SCARA3: variants seen among roughly 807,000 people sequenced by gnomAD.
SCARA3 encodes cellular stress response gene protein.
In SCARA3, 39 loss-of-function variants were observed where a neutral mutation model predicts 47.0. That is an observed-to-expected ratio of 0.83 (90% CI 0.64 to 1.08). The LOEUF (loss-of-function observed/expected upper bound fraction) is 1.08, where lower values mean the gene tolerates loss of function less well. SCARA3 is among the 50% of genes least tolerant of loss of function. The pLI is 0.00. For missense variants in SCARA3, 724 were observed against 792.3 expected (o/e 0.91, Z 1.04); for synonymous variants, 356 against 334.1 (o/e 1.07, Z -0.71).
At chr8:27,640,024 C>T (rs1325396352) in intron 1 of SCARA3, among the ~76,000 whole-genome samples, 1 of 147,476 alleles carries the variant, frequency 6.8e-6, no homozygotes, top group East Asian at 2.0e-4. Context: ...GGCCCGTGCT[C>T]ATTGGGAGGG....
chr8:27,665,535 T>C (rs1801998673), intron 5 of SCARA3, among the ~76,000 whole-genome samples: 1 of 152,202 alleles, frequency 6.6e-6, no homozygotes, highest in Admixed American at 6.5e-5. Flanking sequence ...TTTTGGCTAC[T>C]TTCTTTCTTT....
chr8:27,712,646 G>C, the SCARA3 span, among the ~76,000 whole-genome samples: 2 of 147,638 alleles, frequency 1.4e-5, no homozygotes, highest in African/African-American at 2.5e-5. Flanking sequence ...GTATTCTTCT[G>C]TCCGGATGTA....
the SCARA3 span, among the ~76,000 whole-genome samples, chr8:27,691,869 C>G: frequency 6.6e-6 from 1 of 152,140 alleles, no homozygotes; most frequent in South Asian, 2.1e-4. Flanking sequence ...TAAAAGACCC[C>G]TAAGATCCAG....
intron 1 of SCARA3, among the ~76,000 whole-genome samples, chr8:27,637,731 G>A (rs186991039): frequency 1.6e-4 from 25 of 152,164 alleles, no homozygotes; most frequent in Non-Finnish European, 1.0e-4. Flanking sequence ...CAGAATCAGA[G>A]AGCAGTGCCC....
chr8:27,676,941 T>C (rs564033395), downstream of SCARA3, among the ~76,000 whole-genome samples: 3 of 152,188 alleles, frequency 2.0e-5, no homozygotes, highest in Non-Finnish European at 2.9e-5. Flanking sequence ...ATTTGTAATA[T>C]GATGGTTTCT....
At chr8:27,644,179 A>C (rs1377179944) in intron 1 of SCARA3, among the ~76,000 whole-genome samples, 1 of 152,154 alleles carries the variant, frequency 6.6e-6, no homozygotes, top group African/African-American at 2.4e-5. Context: ...TCAAATTTCT[A>C]GTGGTCACCA....
At chr8:27,691,902 G>A in the SCARA3 span, among the ~76,000 whole-genome samples, 1 of 152,128 alleles carries the variant, frequency 6.6e-6, no homozygotes, top group African/African-American at 2.4e-5. Context: ...GACAACGCCA[G>A]ATCATGAGTC....
At chr8:27,648,002 G>A (rs1361511917) in intron 1 of SCARA3, among the ~76,000 whole-genome samples, 3 of 152,150 alleles carry the variant, frequency 2.0e-5, no homozygotes, top group Non-Finnish European at 4.4e-5. Context: ...AGGAGCCCCC[G>A]AGGCTCCGCA....
chr8:27,698,446 T>C, the SCARA3 span, among the ~76,000 whole-genome samples: 1 of 152,216 alleles, frequency 6.6e-6, no homozygotes, highest in South Asian at 2.1e-4. Context: ...CTAAATGTTT[T>C]CCCTTATAAA....
At chr8:27,675,141 C>T (rs951932624), downstream of SCARA3, among the ~76,000 whole-genome samples, 1 of 152,178 alleles carries the variant, frequency 6.6e-6, no homozygotes, top group Non-Finnish European at 1.5e-5. Context: ...CCCTGGCGAC[C>T]TCACCACCTC....
At chr8:27,725,215 A>G in the SCARA3 span, among the ~76,000 whole-genome samples, 1 of 152,176 alleles carries the variant, frequency 6.6e-6, no homozygotes, top group East Asian at 1.9e-4. Flanking sequence ...AATACACATC[A>G]GAGATAAAAG....
At chr8:27,733,919 C>T in the SCARA3 span, 1 of 152,114 alleles carries the variant, frequency 6.6e-6, no homozygotes, top group African/African-American at 2.4e-5. Flanking sequence ...TGAAACTCTC[C>T]CCGTCTAATC....
At chr8:27,706,037 C>T in the SCARA3 span, among the ~76,000 whole-genome samples, 1 of 152,164 alleles carries the variant, frequency 6.6e-6, no homozygotes, top group African/African-American at 2.4e-5. Context: ...AATAGTTCAG[C>T]ATGGCTGGAG....
chr8:27,713,162 T>C, the SCARA3 span, among the ~76,000 whole-genome samples: 2 of 152,252 alleles, frequency 1.3e-5, no homozygotes, highest in Non-Finnish European at 2.9e-5. Flanking sequence ...TGGGTTGTAT[T>C]TGACCATTTT....
intron 2 of SCARA3, 122 bp downstream of exon 2, chr8:27,649,922 A>G (rs1801596137): frequency 2.6e-6 from 2 of 779,584 alleles, no homozygotes; most frequent in East Asian, 5.3e-5. Flanking sequence ...TCCTTTCCCC[A>G]CTGCTTCCTG....
At chr8:27,699,288 C>A in the SCARA3 span, among the ~76,000 whole-genome samples, 2 of 150,894 alleles carry the variant, frequency 1.3e-5, no homozygotes, top group African/African-American at 4.9e-5. Flanking sequence ...TTCCTATATT[C>A]TTTTACATAT....
In SCARA3 at chr8:27,658,448, G is replaced by GTA. The variant is rs752167537; in HGVS notation, c.326-47_326-46dup. Reference sequence around the variant, plus strand: ...ATATTTAATTTAAAGAGGAAGCGTCGTACCCTGGCCCTTCAGCAACTCAAA... The same window carrying GTA: ...ATATTTAATTTAAAGAGGAAGCGTCGTATACCCTGGCCCTTCAGCAACTCAAA... On this transcript the variant is annotated intron_variant, in intron 4 of 5. Transcript: ENST00000301904. 1.1e-5 allele frequency: 17 copies of GTA among 1,491,002 alleles called. No individual in the cohort carries two copies. In the African/African-American group the frequency reaches 2.4e-4, roughly 21 times the overall value. 92.4% of individuals were successfully genotyped at this position (1,491,002 alleles called of 1,614,324 possible).
chr8:27,729,206 T>C, the SCARA3 span, among the ~76,000 whole-genome samples: 1 of 152,198 alleles, frequency 6.6e-6, no homozygotes, highest in African/African-American at 2.4e-5. Context: ...AACTTCCTTT[T>C]TTCGGTCCTA....
chr8:27,649,873 A>G, intron 2 of SCARA3, 73 bp downstream of exon 2: 1 of 1,333,308 alleles, frequency 7.5e-7, no homozygotes, highest in South Asian at 1.4e-5. Context: ...CAGGCCAGTG[A>G]GAGATTTGTC....
Sources: gnomAD v4.1 joint callset for allele counts (sites outside exome capture counted in the v4.1 genomes callset) on GRCh38, gnomAD v4.1.1 for gene constraint, MANE v1.5 for transcripts, NCBI Gene and HGNC (gene_info 2026-07-23, HGNC 2026-07-21) for gene names.